Variants in SYN3 observed in about 807,000 individuals in gnomAD.
The protein encoded by SYN3 is synapsin III.
SYN3 carries 35 observed loss-of-function variants against 65.8 expected under a neutral mutation model. The ratio of observed to expected loss-of-function variants is 0.53; its 90% confidence interval spans 0.41 to 0.70. The LOEUF is 0.70. Ranked by LOEUF, SYN3 falls within the 30% of genes least tolerant of loss-of-function variation. SYN3 has a pLI of 0.00. For synonymous variants in SYN3, 270 were observed against 292.9 expected, an observed-to-expected ratio of 0.92 and a Z score of 0.80; for missense variants, 680 against 749.0, an observed-to-expected ratio of 0.91 and a Z score of 1.08.
At chr22:32,696,048 A>G (rs989981125) in intron 6 of SYN3, among the ~76,000 whole-genome samples, 1 of 152,114 alleles carries the variant, frequency 6.6e-6, no homozygotes, top group Non-Finnish European at 1.5e-5. Flanking sequence ...CCAAATTGCA[A>G]TGGTTTAACA....
intron 3 of SYN3, among the ~76,000 whole-genome samples, chr22:32,970,753 A>G (rs942227104): frequency 1.1e-4 from 17 of 152,236 alleles, no homozygotes; most frequent in Non-Finnish European, 1.5e-4. Flanking sequence ...AAAACACCTC[A>G]TATGAATTTG....
chr22:32,679,392 G>T (rs1433733868), intron 6 of SYN3, among the ~76,000 whole-genome samples: 5 of 152,058 alleles, frequency 3.3e-5, no homozygotes, highest in African/African-American at 1.2e-4. Flanking sequence ...ATGGACTTTT[G>T]TGTTGCTTCC....
chr22:32,611,456 G>A (rs1038962958), intron 6 of SYN3, among the ~76,000 whole-genome samples: 2 of 151,860 alleles, frequency 1.3e-5, no homozygotes, highest in African/African-American at 2.4e-5. Flanking sequence ...ACCATGCCTG[G>A]CTAATTTTTG....
rs73408571 is a variant in SYN3 at position 32,986,083 on chromosome 22, G to C, written c.312-5381C>G. ...TGGAAACCAGAAACTGAGTCTCCATGCTCACTGTGTCTCCAGTATCCAGCA... is the reference window on the plus strand; with the variant it reads ...TGGAAACCAGAAACTGAGTCTCCATCCTCACTGTGTCTCCAGTATCCAGCA... On this transcript the variant is annotated intron_variant, in intron 2 of 13. Transcript: ENST00000358763. Among the ~76,000 whole-genome samples, 1,181 of 152,104 alleles carry C rather than the reference G, an allele frequency of 7.8e-3. 21 individuals carry two copies. The highest frequency in any genetic ancestry group is 0.028 in the African/African-American group (1,145 of 41,506).
chr22:32,953,980 T>C (rs1160358030), intron 3 of SYN3, among the ~76,000 whole-genome samples: 1 of 152,116 alleles, frequency 6.6e-6, no homozygotes, highest in Non-Finnish European at 1.5e-5. Context: ...TAGATGTACA[T>C]TTGCTAGGAT....
rs138953946 is a variant in SYN3, at chr22:32,707,617, C to T, written c.712-110881G>A. Among the ~76,000 whole-genome samples the T allele has an allele frequency of 6.8e-3, 1,039 of 152,268 alleles. 16 individuals are homozygous for T. The highest frequency in any genetic ancestry group is 0.024 in the African/African-American group (991 of 41,544). ...TTCCTGTGAACTGGGAATAATCCACCTCTTGAGGCATCTGGGAGGCCCAAA... is the reference window on the plus strand; with the variant it reads ...TTCCTGTGAACTGGGAATAATCCACTTCTTGAGGCATCTGGGAGGCCCAAA... On this transcript the variant is annotated intron_variant, in intron 6 of 13. Transcript: ENST00000358763.
rs757201526 is a variant in SYN3 at position 32,912,144 on chromosome 22, C to T, written c.461+19246G>A. The stretch of plus-strand genomic sequence containing the variant: ...AAGTGCTTAATACATGGGAGCTATA[C>T]ATATAGTTCCTCCACTGACTCAGTA... On this transcript the variant is annotated intron_variant, in intron 4 of 13. Transcript: ENST00000358763. 3.1e-4 allele frequency among the ~76,000 whole-genome samples: 47 copies of T among 152,206 alleles called. 1 individual carries two copies. The highest frequency in any genetic ancestry group is 5.3e-4 in the Non-Finnish European group (36 of 68,038).
intron 4 of SYN3, among the ~76,000 whole-genome samples, chr22:32,920,443 A>G (rs1236364710): frequency 2.0e-5 from 3 of 152,162 alleles, no homozygotes; most frequent in Non-Finnish European, 4.4e-5. Flanking sequence ...CTTTCTAAAT[A>G]GAGAACCTGG....
At chr22:33,020,007 G>A (rs1351306193) in intron 1 of SYN3, among the ~76,000 whole-genome samples, 1 of 152,156 alleles carries the variant, frequency 6.6e-6, no homozygotes, top group Non-Finnish European at 1.5e-5. Context: ...ATGAAACATC[G>A]TTTTTAGTAG....
chr22:32,556,967 C>A (rs1444901774), intron 7 of SYN3, among the ~76,000 whole-genome samples: 2 of 151,650 alleles, frequency 1.3e-5, no homozygotes, highest in Non-Finnish European at 2.9e-5. Flanking sequence ...CCTAGTCAAT[C>A]TATACTTTAA....
intron 2 of SYN3, among the ~76,000 whole-genome samples, chr22:33,005,985 G>C (rs2145795178): frequency 6.6e-6 from 1 of 152,314 alleles, no homozygotes; most frequent in Middle Eastern, 3.4e-3. Context: ...TCAGATGCTT[G>C]CAGCAAATCA....
intron 4 of SYN3, among the ~76,000 whole-genome samples, chr22:32,875,768 A>G (rs906084512): frequency 2.6e-5 from 4 of 152,120 alleles, no homozygotes; most frequent in Admixed American, 1.3e-4. Flanking sequence ...AGAGAGTGGC[A>G]AGGAAGGATC....
intron 6 of SYN3, among the ~76,000 whole-genome samples, chr22:32,660,564 T>C (rs1219641353): frequency 2.0e-5 from 3 of 152,198 alleles, no homozygotes; most frequent in Non-Finnish European, 4.4e-5. Context: ...GTTAAGGGGC[T>C]GGCGGGGAAG....
intron 6 of SYN3, among the ~76,000 whole-genome samples, chr22:32,646,460 A>C (rs1427109486): frequency 2.0e-5 from 3 of 152,246 alleles, no homozygotes; most frequent in Non-Finnish European, 4.4e-5. Flanking sequence ...AACCTGACTC[A>C]TAAGGTCGCT....
chr22:32,815,389 GAGAT>G (rs1482886117), intron 6 of SYN3, among the ~76,000 whole-genome samples: 11 of 152,206 alleles, frequency 7.2e-5, no homozygotes, highest in African/African-American at 2.7e-4. Context: ...CTTGGTTTAA[GAGAT>G]AGAGATGGAA....
chr22:32,580,232 T>G (rs1169246449), intron 7 of SYN3, among the ~76,000 whole-genome samples: 4 of 152,232 alleles, frequency 2.6e-5, no homozygotes, highest in Non-Finnish European at 4.4e-5. Flanking sequence ...CACCACCCGT[T>G]TTTGTACAGC....
At chr22:32,923,099 T>A (rs2050377299) in intron 4 of SYN3, among the ~76,000 whole-genome samples, 1 of 152,168 alleles carries the variant, frequency 6.6e-6, no homozygotes, top group South Asian at 2.1e-4. Flanking sequence ...TGATTTGGTC[T>A]GAGTTTGAAG....
At chr22:32,669,274 T>G (rs759672194) in intron 6 of SYN3, among the ~76,000 whole-genome samples, 169 of 151,710 alleles carry the variant, frequency 1.1e-3, no homozygotes, top group Non-Finnish European at 2.1e-4. Flanking sequence ...GGATGGGAGG[T>G]GTGTGTTGGG....
intron 6 of SYN3, among the ~76,000 whole-genome samples, chr22:32,691,375 TAGC>T (rs2060659358): frequency 6.6e-6 from 1 of 152,172 alleles, no homozygotes; most frequent in South Asian, 2.1e-4. Flanking sequence ...GAACTTCCCT[TAGC>T]AGGTGGATCT....
Sources: gnomAD v4.1 joint callset for allele counts (sites outside exome capture counted in the v4.1 genomes callset) on GRCh38, gnomAD v4.1.1 for gene constraint, MANE v1.5 for transcripts, NCBI Gene and HGNC (gene_info 2026-07-23, HGNC 2026-07-21) for gene names.